The following OSBPL11 variants were observed in gnomAD, a reference collection of about 807,000 sequenced individuals.
The protein encoded by OSBPL11 is oxysterol binding protein like 11.
In OSBPL11, 33 loss-of-function variants were observed where a neutral mutation model predicts 84.4. The observed-to-expected ratio is 0.39, with a 90% CI of 0.30 to 0.52. OSBPL11 has a LOEUF of 0.52. Among genes scored for constraint, OSBPL11 ranks in the 20% least tolerant of loss-of-function variants. OSBPL11 has a pLI of 0.72. For synonymous variants in OSBPL11, 276 were observed against 310.2 expected, an observed-to-expected ratio of 0.89 and a Z score of 1.16; for missense variants, 736 against 901.1, an observed-to-expected ratio of 0.82 and a Z score of 2.35.
rs372452700 is a variant in OSBPL11, at chr3:125,580,657, C to A, written c.234-617G>T. ...CAAAGATACCATATCCTTTCAGAGACAGATTTTTCCCCAGAATTCATTAAC... is the reference window on the plus strand; with the variant it reads ...CAAAGATACCATATCCTTTCAGAGAAAGATTTTTCCCCAGAATTCATTAAC... On this transcript the variant is annotated intron_variant, in intron 2 of 12. Coordinates refer to ENST00000296220, the MANE Select transcript of OSBPL11 (RefSeq NM_022776.5). Among the ~76,000 whole-genome samples, 12 of 151,638 alleles carry A rather than the reference C, an allele frequency of 7.9e-5. 1 individual carries two copies. In the South Asian group the frequency reaches 1.2e-3, roughly 16 times the overall value.
At chr3:125,577,673 C>CA (rs1442167622) in intron 4 of OSBPL11, among the ~76,000 whole-genome samples, 1 of 151,602 alleles carries the variant, frequency 6.6e-6, no homozygotes, top group Non-Finnish European at 1.5e-5. Context: ...ACCAAAAATA[C>CA]AAAAAATTAG....
At chr3:125,591,074 G>A (rs1338572618) in intron 1 of OSBPL11, among the ~76,000 whole-genome samples, 1 of 152,126 alleles carries the variant, frequency 6.6e-6, no homozygotes, top group African/African-American at 2.4e-5. Context: ...AAAACATTCT[G>A]GATAATGTAA....
chr3:125,530,582 T>G lies in OSBPL11; in HGVS notation c.2179-2A>C, dbSNP rs765003742. The G allele has an allele frequency of 6.2e-7, 1 of 1,611,384 alleles. No homozygotes were observed. ...TTTATGATAAACCCAGCCATCTCCC[T>G]GAAACAAATAAAAAGATAAAGAATC... On this transcript the variant is annotated splice_acceptor_variant, in intron 12 of 12. Coordinates refer to ENST00000296220, the MANE Select transcript of OSBPL11 (RefSeq NM_022776.5). LOFTEE classifies it high-confidence loss of function.
intron 1 of OSBPL11, among the ~76,000 whole-genome samples, chr3:125,593,906 G>C (rs1320061241): frequency 1.3e-5 from 2 of 151,924 alleles, no homozygotes; most frequent in East Asian, 3.9e-4. Context: ...TTAAGGTTCT[G>C]GATAGTTCTT....
At chr3:125,566,346 C>T (rs1936157139) in intron 6 of OSBPL11, among the ~76,000 whole-genome samples, 1 of 151,982 alleles carries the variant, frequency 6.6e-6, no homozygotes, top group Admixed American at 6.6e-5. Context: ...ATATTTCTTC[C>T]CTAAGTGGAC....
intron 9 of OSBPL11, among the ~76,000 whole-genome samples, chr3:125,550,404 CACAA>C (rs759792705): frequency 2.9e-5 from 3 of 102,492 alleles, no homozygotes; most frequent in East Asian, 2.6e-4. Context: ...CACACACACA[CACAA>C]CAAACAAAAA....
chr3:125,588,880 G>A (rs1301630083), intron 1 of OSBPL11, among the ~76,000 whole-genome samples: 1 of 152,084 alleles, frequency 6.6e-6, no homozygotes, highest in Non-Finnish European at 1.5e-5. Context: ...AATTCAACTC[G>A]CAGACTGTAT....
At chr3:125,539,682 C>G (rs1438872300) in intron 10 of OSBPL11, among the ~76,000 whole-genome samples, 2 of 152,036 alleles carry the variant, frequency 1.3e-5, no homozygotes, top group Admixed American at 6.6e-5. Flanking sequence ...ACTCCAACCT[C>G]AGGTGATCTG....
chr3:125,552,556 G>C lies in OSBPL11; in HGVS notation c.1279C>G (p.Arg427Gly), dbSNP rs760278333. The C allele has an allele frequency of 6.2e-6, 10 of 1,614,168 alleles. No individual in the cohort carries two copies. The highest frequency in any genetic ancestry group is 1.1e-5 in the South Asian group (1 of 91,080). Residue 427 changes from arginine to glycine, a missense_variant, in exon 9 of 13, where the codon CGC becomes GGC. Arg to Gly is a moderately radical substitution (Grantham distance 125, BLOSUM62 -2). This residue lies in a region of OSBPL11 where 579 missense variants were observed against 717.6 expected (regional missense o/e 0.81). Coordinates refer to ENST00000296220, the MANE Select transcript of OSBPL11 (RefSeq NM_022776.5). ...NGATAEDRMIRFVEYYLTSFH... is the reference protein window; with the variant it reads ...NGATAEDRMIGFVEYYLTSFH... Reference sequence around the variant, plus strand: ...GAGGTAAGGTAGTACTCAACAAAGCGAATCATTCTGTCCTCAGCTGTGGCT... The same window carrying C: ...GAGGTAAGGTAGTACTCAACAAAGCCAATCATTCTGTCCTCAGCTGTGGCT...
intron 11 of OSBPL11, among the ~76,000 whole-genome samples, chr3:125,534,799 T>C (rs1484085550): frequency 6.6e-6 from 1 of 151,960 alleles, no homozygotes; most frequent in African/African-American, 2.4e-5. Flanking sequence ...TGTCTCATCA[T>C]TGACTTATTG....
intron 9 of OSBPL11, among the ~76,000 whole-genome samples, chr3:125,551,918 G>A (rs534307362): frequency 1.1e-4 from 17 of 151,990 alleles, no homozygotes; most frequent in African/African-American, 3.9e-4. Context: ...AAATTGGAGC[G>A]AAAAAGTAAC....
At chr3:125,594,342 A>G (rs932027857) in intron 1 of OSBPL11, among the ~76,000 whole-genome samples, 2 of 152,256 alleles carry the variant, frequency 1.3e-5, no homozygotes, top group Non-Finnish European at 2.9e-5. Flanking sequence ...CAACATAGGC[A>G]AAAGCAGAAG....
At chr3:125,562,928 A>G (rs945748878) in intron 7 of OSBPL11, among the ~76,000 whole-genome samples, 3 of 151,930 alleles carry the variant, frequency 2.0e-5, no homozygotes, top group Non-Finnish European at 4.4e-5. Flanking sequence ...CTCCATCTCA[A>G]AAAAAAAGGA....
chr3:125,542,007 G>A (rs183830480), intron 10 of OSBPL11, among the ~76,000 whole-genome samples: 1 of 152,308 alleles, frequency 6.6e-6, no homozygotes, highest in Admixed American at 6.5e-5. Flanking sequence ...CCTGAGGTCT[G>A]ACATTACCAT....
chr3:125,555,605 A>G (rs995026705), intron 8 of OSBPL11, among the ~76,000 whole-genome samples: 1 of 152,200 alleles, frequency 6.6e-6, no homozygotes, highest in African/African-American at 2.4e-5. Flanking sequence ...GGAGAGAAGA[A>G]CATACAAAAC....
chr3:125,559,054 T>C (rs1936033911), intron 8 of OSBPL11, among the ~76,000 whole-genome samples: 1 of 152,246 alleles, frequency 6.6e-6, no homozygotes. Flanking sequence ...AATACAGCCA[T>C]GCCCAATCCA....
intron 4 of OSBPL11, among the ~76,000 whole-genome samples, chr3:125,577,353 A>G (rs889392005): frequency 3.3e-5 from 5 of 152,330 alleles, no homozygotes; most frequent in African/African-American, 1.2e-4. Flanking sequence ...AAATATTTTT[A>G]AAAACACTCC....
chr3:125,547,261 C>T, intron 10 of OSBPL11, 145 bp downstream of exon 10: 1 of 709,456 alleles, frequency 1.4e-6, no homozygotes, highest in Non-Finnish European at 2.1e-6. Context: ...TTTCAGAATG[C>T]TTTAAAGATG....
chr3:125,552,776 G>T, intron 8 of OSBPL11, 97 bp from the exon 9 acceptor site: 1 of 1,360,310 alleles, frequency 7.4e-7, no homozygotes. Flanking sequence ...TTCTAGATGG[G>T]TATTAAAAAC....
Sources: allele counts gnomAD v4.1 joint callset (sites outside exome capture counted in the v4.1 genomes callset), GRCh38; gene constraint gnomAD v4.1.1; regional missense constraint gnomAD v4.1.1; transcripts MANE v1.5; gene names NCBI Gene and HGNC (gene_info 2026-07-23, HGNC 2026-07-21).